Variants in EYA1 observed in about 807,000 individuals in gnomAD.
The protein encoded by EYA1 is protein phosphatase EYA1.
In EYA1, 16 loss-of-function variants were observed where a neutral mutation model predicts 82.0. That is an observed-to-expected ratio of 0.20 (90% confidence interval 0.13 to 0.30). The LOEUF (loss-of-function observed/expected upper bound fraction) is 0.30, where lower values mean the gene tolerates loss of function less well. EYA1 is among the 10% of genes least tolerant of loss of function. The pLI, the probability that EYA1 is intolerant of heterozygous loss-of-function variation, is 1.00. For missense variants in EYA1, 633 were observed against 730.7 expected (o/e 0.87, Z 1.54); for synonymous variants, 261 against 264.4 (o/e 0.99, Z 0.12).
chr8:71,326,059 C>A (rs1823109208), intron 4 of EYA1, among the ~76,000 whole-genome samples: 1 of 152,190 alleles, frequency 6.6e-6, no homozygotes, highest in Non-Finnish European at 1.5e-5. Flanking sequence ...GCCACAGAGC[C>A]TTGGGAACAT....
At chr8:71,272,960 C>T (rs989988021) in intron 9 of EYA1, among the ~76,000 whole-genome samples, 6 of 152,172 alleles carry the variant, frequency 3.9e-5, no homozygotes, top group African/African-American at 1.4e-4. Flanking sequence ...GGCTTGGTAG[C>T]CTTTATTAAC....
At position 71,357,973 on chromosome 8, in the gene EYA1, C is replaced by CT. The variant is rs747409634; in HGVS notation, c.-54-1463dup. On this transcript the variant is annotated intron_variant, in intron 1 of 17. Coordinates refer to ENST00000340726, the MANE Select transcript of EYA1 (RefSeq NM_000503.6). ...TACCTCAAGGATAAATTTCCTTTTT[C>CT]TTTTTTTTTTTTCTCCACTTTTATA... 4.3e-3 allele frequency among the ~76,000 whole-genome samples: 620 copies of CT among 143,820 alleles called. 4 individuals carry two copies. Among genetic ancestry groups the CT allele is most frequent in the African/African-American group, 6.4e-3 (253 of 39,534 alleles). The allele number at this position is 143,820 out of a possible 152,430, so 94.4% of individuals were successfully genotyped here.
intron 2 of EYA1, among the ~76,000 whole-genome samples, chr8:71,534,158 C>T (rs1814509717): frequency 6.6e-6 from 1 of 152,206 alleles, no homozygotes; most frequent in South Asian, 2.1e-4. Flanking sequence ...AGTGTATCAA[C>T]TTGCCTCCAT....
At chr8:71,436,027 G>T (rs942131298) in intron 2 of EYA1, among the ~76,000 whole-genome samples, 4 of 151,960 alleles carry the variant, frequency 2.6e-5, no homozygotes, top group African/African-American at 9.7e-5. Context: ...ATATTGTCAA[G>T]AATACTGACA....
intron 2 of EYA1, among the ~76,000 whole-genome samples, chr8:71,446,823 T>G (rs1806920621): frequency 6.6e-6 from 1 of 152,170 alleles, no homozygotes; most frequent in South Asian, 2.1e-4. Context: ...CATTACTGTC[T>G]ATTTGTCTGA....
chr8:71,443,339 T>C (rs1806576848), intron 2 of EYA1, among the ~76,000 whole-genome samples: 1 of 152,230 alleles, frequency 6.6e-6, no homozygotes, highest in African/African-American at 2.4e-5. Context: ...TTGCCCAGGC[T>C]GGAGCGCAGT....
chr8:71,327,355 T>C (rs1301078613), intron 4 of EYA1, among the ~76,000 whole-genome samples: 1 of 152,234 alleles, frequency 6.6e-6, no homozygotes, highest in Non-Finnish European at 1.5e-5. Flanking sequence ...TCCAGAAGCA[T>C]TCCTGCTTCT....
chr8:71,432,747 A>G (rs988399448), intron 2 of EYA1, among the ~76,000 whole-genome samples: 1 of 152,188 alleles, frequency 6.6e-6, no homozygotes, highest in African/African-American at 2.4e-5. Flanking sequence ...GGAGGACTTC[A>G]ATATATCAAT....
intron 13 of EYA1, 41 bp downstream of exon 13, chr8:71,216,924 T>C: frequency 4.3e-6 from 7 of 1,611,904 alleles, no homozygotes; most frequent in Non-Finnish European, 5.9e-6. Flanking sequence ...GTAATTAAAC[T>C]ATAAAAGGGA....
intron 11 of EYA1, among the ~76,000 whole-genome samples, chr8:71,249,314 T>C (rs1199645325): frequency 6.6e-6 from 1 of 152,124 alleles, no homozygotes; most frequent in Non-Finnish European, 1.5e-5. Context: ...CTGGGTAATT[T>C]ATAAAGAAAA....
intron 2 of EYA1, among the ~76,000 whole-genome samples, chr8:71,407,386 C>T (rs1308934155): frequency 2.4e-4 from 35 of 144,010 alleles, no homozygotes; most frequent in African/African-American, 5.7e-4. Flanking sequence ...ATGACTTTGA[C>T]GAGCTGAGAG....
rs775602966 is a variant in EYA1 at position 71,341,147 on chromosome 8, C to T, written c.125-6973G>A. 3.9e-5 allele frequency among the ~76,000 whole-genome samples: 6 copies of T among 151,908 alleles called. 1 individual carries two copies. Among genetic ancestry groups the T allele is most frequent in the East Asian group, 3.9e-4 (2 of 5,186 alleles). On this transcript the variant is annotated intron_variant, in intron 3 of 17. Transcript: ENST00000340726. ...TTGTATGTTTAGAGAGGATCCCGCCCGAATCAGTAAAAAGAAAGGTAAATA... is the reference window on the plus strand; with the variant it reads ...TTGTATGTTTAGAGAGGATCCCGCCTGAATCAGTAAAAAGAAAGGTAAATA...
rs545996858 is a variant in EYA1, at chr8:71,288,763, A to AG, written c.826+10283dup. ...TGCTTACCTAATCAATCAATAATCC[A>AG]GGTGAAATACTGCACAAATATAATG... On this transcript the variant is annotated intron_variant, in intron 9 of 17. Coordinates refer to ENST00000340726, the MANE Select transcript of EYA1 (RefSeq NM_000503.6). Among the ~76,000 whole-genome samples, 116 of 152,364 alleles carry AG rather than the reference A, an allele frequency of 7.6e-4. 2 individuals carry two copies. The highest frequency in any genetic ancestry group is 6.6e-3 in the South Asian group (32 of 4,828).
chr8:71,205,183 GTGCAGA>G (rs1369640214), intron 17 of EYA1, among the ~76,000 whole-genome samples: 2 of 152,034 alleles, frequency 1.3e-5, no homozygotes, highest in African/African-American at 4.8e-5. Flanking sequence ...CTTTCTCACT[GTGCAGA>G]AAATGGATGC....
rs372488542 is a variant in EYA1 at position 71,216,979 on chromosome 8, G to C, written c.1185C>G (p.Asn395Lys). 1 of 1,613,462 alleles carries C rather than the reference G, an allele frequency of 6.2e-7. No homozygotes were observed. The highest frequency in any genetic ancestry group is 8.5e-7 in the Non-Finnish European group (1 of 1,179,410). Residue 395 changes from asparagine (N) to lysine (K), a missense_variant, in exon 13 of 18, where the codon AAC (asparagine) becomes AAG (lysine). Transcript: ENST00000340726. ...VHIDDVSSDD[N>K]GQDLSTYNFG... ...AGGGTGCTCACCTTAGGTCCTGTCC[G>C]TTATCATCTGAAGAAACATCATCTA... is the stretch of plus-strand genomic sequence containing the variant.
chr8:71,245,064 A>G (rs1255795500), intron 11 of EYA1, among the ~76,000 whole-genome samples: 4 of 152,228 alleles, frequency 2.6e-5, no homozygotes, highest in Non-Finnish European at 5.9e-5. Context: ...TTACGCCACA[A>G]TCCATTAAGA....
chr8:71,377,788 T>C (rs919025354), intron 2 of EYA1, among the ~76,000 whole-genome samples: 20 of 152,224 alleles, frequency 1.3e-4, no homozygotes, highest in Non-Finnish European at 2.5e-4. Context: ...ACTTTCTGTC[T>C]TTGTGAATTT....
chr8:71,494,192 C>T (rs946432460), intron 2 of EYA1, among the ~76,000 whole-genome samples: 1 of 152,044 alleles, frequency 6.6e-6, no homozygotes, highest in Non-Finnish European at 1.5e-5. Context: ...CACATTCTGA[C>T]TTTGTACATC....
chr8:71,236,742 T>C (rs1000000511), intron 12 of EYA1, among the ~76,000 whole-genome samples: 2 of 152,226 alleles, frequency 1.3e-5, no homozygotes, highest in African/African-American at 4.8e-5. Flanking sequence ...AGTAGAGATA[T>C]CATGCTGTTA....
Sources: allele counts gnomAD v4.1 joint callset (sites outside exome capture counted in the v4.1 genomes callset), GRCh38; gene constraint gnomAD v4.1.1; transcripts MANE v1.5; gene names NCBI Gene and HGNC (gene_info 2026-07-23, HGNC 2026-07-21).